Variants in SYNE1 observed in about 807,000 individuals in gnomAD.
SYNE1 encodes the protein nesprin-1.
In SYNE1, 616 loss-of-function variants were observed where a neutral mutation model predicts 1,111.0. That is an observed-to-expected ratio of 0.55 (90% confidence interval 0.52 to 0.59). The LOEUF is 0.59. Among genes scored for constraint, SYNE1 ranks in the 20% least tolerant of loss-of-function variants. The pLI is 0.00. For synonymous variants in SYNE1, 3,855 were observed against 3,825.8 expected, an observed-to-expected ratio of 1.01 and a Z score of -0.28; for missense variants, 10,006 against 10,417.0, an observed-to-expected ratio of 0.96 and a Z score of 1.72.
At chr6:152,310,631 C>T (rs1342971391) in intron 88 of SYNE1, 57 bp downstream of exon 88, 7 of 1,609,006 alleles carry the variant, frequency 4.4e-6, no homozygotes, top group Non-Finnish European at 3.4e-6. Flanking sequence ...AGTGGCATTG[C>T]CATTTTCTTT....
At chr6:152,590,314 T>A (rs902973809) in intron 3 of SYNE1, among the ~76,000 whole-genome samples, 3 of 151,774 alleles carry the variant, frequency 2.0e-5, no homozygotes, top group African/African-American at 7.3e-5. Context: ...CAAAATATAA[T>A]CTTAGATTAT....
At chr6:152,551,766 A>G (rs2099347810) in intron 3 of SYNE1, among the ~76,000 whole-genome samples, 1 of 152,220 alleles carries the variant, frequency 6.6e-6, no homozygotes, top group African/African-American at 2.4e-5. Context: ...ACTGAATTAC[A>G]TATAAAGGTG....
rs182873226 is a variant in SYNE1 at position 152,160,089 on chromosome 6, C to T, written c.23791-3992G>A. 3.7e-4 allele frequency among the ~76,000 whole-genome samples: 57 copies of T among 152,226 alleles called. No individual in the cohort carries two copies. In the East Asian group the frequency reaches 9.7e-3, roughly 26 times the overall value. ...TGGCGCGATCTCCGCTCACTGCAAC[C>T]TCCGACTCCCTGGTTCAAGCGATTC... is the stretch of plus-strand genomic sequence containing the variant. On this transcript the variant is annotated intron_variant, in intron 131 of 145. Transcript: ENST00000367255.
intron 53 of SYNE1, among the ~76,000 whole-genome samples, chr6:152,389,233 G>C (rs566082654): frequency 2.0e-5 from 3 of 152,156 alleles, no homozygotes. Flanking sequence ...TCAAAGGTAC[G>C]TGTGCAGAGT....
At chr6:152,292,271 G>A (rs1215124704) in intron 95 of SYNE1, among the ~76,000 whole-genome samples, 1 of 152,178 alleles carries the variant, frequency 6.6e-6, no homozygotes, top group Non-Finnish European at 1.5e-5. Flanking sequence ...CCAAGCCCCT[G>A]ACCATCCTCC....
intron 3 of SYNE1, among the ~76,000 whole-genome samples, chr6:152,568,289 C>CTTTTTTTTTTTTTTTTTTTTTTTTTT (rs10601350): frequency 3.7e-5 from 3 of 80,284 alleles, no homozygotes; most frequent in East Asian, 4.5e-4. Flanking sequence ...TTATTTTATT[C>CTTTTTTTTTTTTTTTTTTTTTTTTTT]TTTTTTTTTT....
chr6:152,453,520 C>T (rs971839895), intron 25 of SYNE1, 66 bp downstream of exon 25: 11 of 1,611,532 alleles, frequency 6.8e-6, no homozygotes, highest in Non-Finnish European at 8.5e-6. Context: ...TACATTTGGA[C>T]CTTAACACGC....
intron 3 of SYNE1, among the ~76,000 whole-genome samples, chr6:152,600,655 A>G (rs772330742): frequency 4.6e-5 from 7 of 152,086 alleles, no homozygotes; most frequent in Non-Finnish European, 1.0e-4. Context: ...TTTAGCTCCA[A>G]TTTTCATGTT....
intron 42 of SYNE1, among the ~76,000 whole-genome samples, chr6:152,412,402 C>T (rs1319155862): frequency 1.1e-4 from 16 of 144,956 alleles, no homozygotes; most frequent in Non-Finnish European, 1.6e-4. Flanking sequence ...CCAGCCTGGG[C>T]GACAGAGCGA....
rs774861324 is a variant in SYNE1, at chr6:152,451,200, A to C, written c.3033T>G (p.Leu1011=). Residue 1011 remains leucine, a synonymous_variant, in exon 26 of 146, where the codon CTT becomes CTG. Transcript: ENST00000367255. ...GCAAATGATAAGGGGCTTCTCCTTG[A>C]AGATCCTACATTCCATAGGAAGATT... is the stretch of plus-strand genomic sequence containing the variant. ...VRKLHKQWKD[L]QGEAPYHLLH... is the part of the protein sequence containing the mutation. 6.2e-7 allele frequency: 1 copy of C among 1,613,894 alleles called. No individual in the cohort carries two copies. The highest frequency in any genetic ancestry group is 8.5e-7 in the Non-Finnish European group (1 of 1,180,002).
chr6:152,171,049 G>A (rs1014801981), intron 130 of SYNE1, among the ~76,000 whole-genome samples: 3 of 152,108 alleles, frequency 2.0e-5, no homozygotes, highest in South Asian at 2.1e-4. Flanking sequence ...CACCATAATT[G>A]TGAGGCCTCC....
chr6:152,412,159 C>T (rs1351894794), intron 42 of SYNE1, among the ~76,000 whole-genome samples: 1 of 152,164 alleles, frequency 6.6e-6, no homozygotes, highest in Admixed American at 6.5e-5. Flanking sequence ...CGGTGGCTCA[C>T]ACCTGTAATC....
At chr6:152,318,736 C>T (rs1234583527) in intron 85 of SYNE1, 127 bp downstream of exon 85, 6 of 1,063,640 alleles carry the variant, frequency 5.6e-6, no homozygotes, top group East Asian at 2.6e-5. Flanking sequence ...ATTTCTTTAC[C>T]ACCTGCTGTT....
rs1165447849 is a variant in SYNE1, at chr6:152,371,915, AAGGAAAGGACAGGAC to A, written c.9507+1107_9507+1121del. On this transcript the variant is annotated intron_variant, in intron 59 of 145. Transcript: ENST00000367255. ...AAGGAAAGGAAAGGAAAGGAAAGGA[AAGGAAAGGACAGGAC>A]AGGACAGGAAAGGAAAGGAAAGGAA... is the stretch of plus-strand genomic sequence containing the variant. Among the ~76,000 whole-genome samples, 439 of 49,364 alleles carry A rather than the reference AAGGAAAGGACAGGAC, an allele frequency of 8.9e-3. 5 individuals are homozygous for A. Among genetic ancestry groups the A allele is most frequent in the East Asian group, 0.015 (38 of 2,542 alleles). The allele number at this position is 49,364 out of a possible 152,430, so 32.4% of individuals were successfully genotyped here.
intron 126 of SYNE1, among the ~76,000 whole-genome samples, chr6:152,205,232 C>G (rs965439194): frequency 3.3e-5 from 5 of 151,750 alleles, no homozygotes; most frequent in African/African-American, 1.2e-4. Context: ...TAATAGATAC[C>G]CTCACTGAAG....
chr6:152,436,438 A>G (rs2098475218), intron 32 of SYNE1, among the ~76,000 whole-genome samples: 1 of 151,956 alleles, frequency 6.6e-6, no homozygotes, highest in Non-Finnish European at 1.5e-5. Context: ...AGTAGCTGGG[A>G]CCACAGGCAG....
intron 133 of SYNE1, among the ~76,000 whole-genome samples, chr6:152,153,333 C>A (rs2060782172): frequency 6.6e-6 from 1 of 152,146 alleles, no homozygotes; most frequent in Non-Finnish European, 1.5e-5. Flanking sequence ...TACCCCCAGG[C>A]AGATACCCCA....
chr6:152,395,062 C>A (rs183332690), intron 51 of SYNE1, among the ~76,000 whole-genome samples: 2 of 151,770 alleles, frequency 1.3e-5, no homozygotes, highest in East Asian at 3.9e-4. Flanking sequence ...GGATTATAGG[C>A]GTGAGCCACC....
intron 5 of SYNE1, among the ~76,000 whole-genome samples, 171 bp downstream of exon 5, chr6:152,525,909 T>C (rs911085488): frequency 3.9e-5 from 6 of 152,192 alleles, no homozygotes; most frequent in African/African-American, 1.2e-4. Context: ...AAGGGAAATA[T>C]ATTCCTTGCA....
Sources: allele counts gnomAD v4.1 joint callset (sites outside exome capture counted in the v4.1 genomes callset), GRCh38; gene constraint gnomAD v4.1.1; transcripts MANE v1.5; gene names NCBI Gene and HGNC (gene_info 2026-07-23, HGNC 2026-07-21).